ST8SIA5: variants seen among roughly 807,000 people sequenced by gnomAD.
The protein encoded by ST8SIA5 is ST8 alpha-N-acetyl-neuraminide alpha-2,8-sialyltransferase 5.
In ST8SIA5, 24 loss-of-function variants were observed where a neutral mutation model predicts 40.2. The observed-to-expected ratio is 0.60, with a 90% CI of 0.43 to 0.84. The LOEUF (loss-of-function observed/expected upper bound fraction) is 0.84, where lower values mean the gene tolerates loss of function less well. Among genes scored for constraint, ST8SIA5 ranks in the 40% least tolerant of loss-of-function variants. The pLI, the probability that ST8SIA5 is intolerant of heterozygous loss-of-function variation, is 0.00. For missense variants in ST8SIA5, 465 were observed against 498.5 expected (o/e 0.93, Z 0.64); for synonymous variants, 198 against 201.8 (o/e 0.98, Z 0.16).
At chr18:46,691,979 G>T in intron 3 of ST8SIA5, 190 bp downstream of exon 3, 1 of 614,326 alleles carries the variant, frequency 1.6e-6, no homozygotes, top group East Asian at 2.8e-5. Context: ...TAGCACCTGG[G>T]CAAGGTGCCT....
intron 1 of ST8SIA5, among the ~76,000 whole-genome samples, chr18:46,742,170 AT>A (rs1333681005): frequency 2.0e-5 from 3 of 152,018 alleles, no homozygotes; most frequent in Non-Finnish European, 4.4e-5. Flanking sequence ...CATTCTACAA[AT>A]GTGTGGAACT....
In ST8SIA5 at chr18:46,679,480, C is replaced by T. The variant is rs2039364643; in HGVS notation, c.*562G>A. 6.4e-6 allele frequency: 1 copy of T among 157,074 alleles called. No homozygotes were observed. The highest frequency in any genetic ancestry group is 1.9e-4 in the South Asian group (1 of 5,178). 9.7% of individuals were successfully genotyped at this position (157,074 alleles called of 1,614,324 possible). ...TAAGTCCCTGGACCTCTTGAGATCA[C>T]TTTCTTCACTGGAAGGTCTAGTCAC... On this transcript the variant is annotated 3_prime_UTR_variant, in exon 7 of 7. Coordinates refer to ENST00000315087, the MANE Select transcript of ST8SIA5 (RefSeq NM_013305.6).
In ST8SIA5 at chr18:46,675,430, T is replaced by C. The variant is rs1486601646; in HGVS notation, c.*4612A>G. Reference sequence around the variant, plus strand: ...AGTAGGAGGAGACTCTGAGTTCAGATTGTTCTTTTAACTATACCAGTTGAG... The same window carrying C: ...AGTAGGAGGAGACTCTGAGTTCAGACTGTTCTTTTAACTATACCAGTTGAG... On this transcript the variant is annotated 3_prime_UTR_variant, in exon 7 of 7. Coordinates refer to ENST00000315087, the MANE Select transcript of ST8SIA5 (RefSeq NM_013305.6). 6.6e-6 allele frequency: 1 copy of C among 152,220 alleles called. No individual in the cohort carries two copies. The highest frequency in any genetic ancestry group is 1.5e-5 in the Non-Finnish European group (1 of 68,052). 9.4% of individuals were successfully genotyped at this position (152,220 alleles called of 1,614,324 possible).
intron 5 of ST8SIA5, among the ~76,000 whole-genome samples, chr18:46,683,753 T>A (rs12457282): frequency 0.12 from 18,373 of 149,570 alleles, 1,383 homozygotes; most frequent in East Asian, 0.35. Context: ...CGGGAGGGGG[T>A]GGGGTGTGTG....
chr18:46,713,942 G>A (rs543723970), intron 1 of ST8SIA5, among the ~76,000 whole-genome samples: 4 of 152,300 alleles, frequency 2.6e-5, no homozygotes, highest in Admixed American at 6.5e-5. Flanking sequence ...CCTGGTCCTG[G>A]GGCAAGTGGA....
At chr18:46,732,805 G>C (rs939832100) in intron 1 of ST8SIA5, among the ~76,000 whole-genome samples, 1 of 152,076 alleles carries the variant, frequency 6.6e-6, no homozygotes, top group Admixed American at 6.5e-5. Context: ...GGGGCGAAAG[G>C]CTTCAATGCT....
At chr18:46,680,637 A>G in intron 6 of ST8SIA5, 127 bp from the exon 7 acceptor site, 2 of 932,414 alleles carry the variant, frequency 2.1e-6, no homozygotes, top group Non-Finnish European at 3.1e-6. Context: ...CTGCCTCCTG[A>G]CACCTCACGC....
chr18:46,725,316 C>T (rs2039905964), intron 1 of ST8SIA5, among the ~76,000 whole-genome samples: 2 of 152,136 alleles, frequency 1.3e-5, no homozygotes, highest in Non-Finnish European at 2.9e-5. Context: ...GCCCAGGAGT[C>T]TGCTACGAAA....
intron 1 of ST8SIA5, among the ~76,000 whole-genome samples, chr18:46,751,718 A>G (rs1486238639): frequency 6.6e-6 from 1 of 152,150 alleles, no homozygotes; most frequent in African/African-American, 2.4e-5. Context: ...AATGAAGTAA[A>G]ATAGAAAACA....
chr18:46,695,195 G>A (rs62097156), intron 2 of ST8SIA5, among the ~76,000 whole-genome samples: 1 of 152,108 alleles, frequency 6.6e-6, no homozygotes, highest in Admixed American at 6.5e-5. Flanking sequence ...TAAAAAAAGG[G>A]TTCATTTTGT....
Position 46,679,888 on chromosome 18 carries a change from CCCT to C in ST8SIA5, c.*151_*153del, listed in dbSNP as rs2039369300. On this transcript the variant is annotated 3_prime_UTR_variant, in exon 7 of 7. Coordinates refer to ENST00000315087, the MANE Select transcript of ST8SIA5 (RefSeq NM_013305.6). ...TCTGCCCCGGTTCCTAACCCTGCCT[CCCT>C]ACCCCAGGATCCAAGTACAGAGCTG... 1.4e-5 allele frequency: 11 copies of C among 789,600 alleles called. No homozygotes were observed. The highest frequency in any genetic ancestry group is 2.2e-5 in the Non-Finnish European group (11 of 509,858). The allele number at this position is 789,600 out of a possible 1,614,324, so 48.9% of individuals were successfully genotyped here.
At chr18:46,732,652 AAAG>A (rs2039995890) in intron 1 of ST8SIA5, among the ~76,000 whole-genome samples, 1 of 152,200 alleles carries the variant, frequency 6.6e-6, no homozygotes. Context: ...AAAAACAATA[AAAG>A]AAGAAAATCA....
At chr18:46,684,155 A>G (rs1476110061) in intron 5 of ST8SIA5, among the ~76,000 whole-genome samples, 4 of 152,188 alleles carry the variant, frequency 2.6e-5, no homozygotes, top group Non-Finnish European at 5.9e-5. Context: ...GTGCTCTCAC[A>G]GATCTTAACA....
At chr18:46,729,629 T>G (rs1450925685) in intron 1 of ST8SIA5, among the ~76,000 whole-genome samples, 1 of 152,142 alleles carries the variant, frequency 6.6e-6, no homozygotes, top group Non-Finnish European at 1.5e-5. Flanking sequence ...AATCCAGAGC[T>G]AGTAAGGGGC....
rs534106658 is a variant in ST8SIA5 at position 46,704,484 on chromosome 18, C to G, written c.224+88G>C. The G allele has an allele frequency of 7.6e-6, 9 of 1,182,370 alleles. 1 individual carries two copies. The East Asian group carries it at 9.4e-5, about 12-fold the overall frequency. The allele number at this position is 1,182,370 out of a possible 1,614,324, so 73.2% of individuals were successfully genotyped here. On this transcript the variant is annotated intron_variant, in intron 2 of 6. Coordinates refer to ENST00000315087, the MANE Select transcript of ST8SIA5 (RefSeq NM_013305.6). Reference sequence around the variant, plus strand: ...GGAACCTACCATGTGTTTCCTGTTTCCTTCCACCCTTGCCCCCACGCACTC... The same window carrying G: ...GGAACCTACCATGTGTTTCCTGTTTGCTTCCACCCTTGCCCCCACGCACTC...
chr18:46,756,449 G>A lies in ST8SIA5; in HGVS notation c.60C>T (p.Phe20=). 6.2e-7 allele frequency: 1 copy of A among 1,613,318 alleles called. No individual in the cohort carries two copies. Among genetic ancestry groups the A allele is most frequent in the South Asian group, 1.1e-5 (1 of 91,068 alleles). The change falls in exon 1 of 7, where the codon TTC becomes TTT. Residue 20 remains phenylalanine (F), a synonymous_variant. Transcript: ENST00000315087. ...CCAAGGCAAAGGCGCAGATGAAGAT[G>A]AAGAGCAAAGTTCGGCTCCCCAACA... ...RDLLGSRTLL[F]IFICAFALVT...
intron 1 of ST8SIA5, among the ~76,000 whole-genome samples, chr18:46,749,601 T>C (rs1484278913): frequency 2.6e-5 from 4 of 152,226 alleles, no homozygotes; most frequent in South Asian, 4.1e-4. Context: ...TTGCTGATTA[T>C]AAAATTAATA....
At chr18:46,707,514 A>C (rs1386524309) in intron 1 of ST8SIA5, among the ~76,000 whole-genome samples, 2 of 152,084 alleles carry the variant, frequency 1.3e-5, no homozygotes, top group Non-Finnish European at 2.9e-5. Flanking sequence ...CTGCATCCTC[A>C]ACATCACTCA....
At chr18:46,695,211 C>T (rs1448877051) in intron 2 of ST8SIA5, among the ~76,000 whole-genome samples, 3 of 151,594 alleles carry the variant, frequency 2.0e-5, no homozygotes, top group African/African-American at 2.4e-5. Flanking sequence ...TTTGTAGAGG[C>T]ATGTCCTGTG....
Sources: gnomAD v4.1 joint callset for allele counts (sites outside exome capture counted in the v4.1 genomes callset) on GRCh38, gnomAD v4.1.1 for gene constraint, MANE v1.5 for transcripts, NCBI Gene and HGNC (gene_info 2026-07-23, HGNC 2026-07-21) for gene names.